Variants in RAB3IP observed in about 807,000 individuals in gnomAD.
The protein encoded by RAB3IP is RAB3A interacting protein.
RAB3IP carries 36 observed loss-of-function variants against 59.1 expected under a neutral mutation model. The observed-to-expected ratio is 0.61, with a 90% CI of 0.47 to 0.80. RAB3IP has a LOEUF of 0.80. RAB3IP is among the 30% of genes least tolerant of loss of function. The pLI is 0.00. For synonymous variants in RAB3IP, 207 were observed against 191.2 expected (o/e 1.08, Z -0.68); for missense variants, 511 against 536.0 (o/e 0.95, Z 0.46).
intron 6 of RAB3IP, 103 bp downstream of exon 6, chr12:69,795,447 A>G: frequency 2.3e-6 from 2 of 866,348 alleles, no homozygotes; most frequent in East Asian, 2.6e-5. Context: ...TTAGTACAAA[A>G]TAATGCAGTA....
At chr12:69,785,530 A>G (rs1339689975) in intron 4 of RAB3IP, among the ~76,000 whole-genome samples, 1 of 152,158 alleles carries the variant, frequency 6.6e-6, no homozygotes, top group Non-Finnish European at 1.5e-5. Flanking sequence ...CTTCCAGTCC[A>G]ACTTTGAAGG....
At chr12:69,785,915 C>G (rs993142537) in intron 4 of RAB3IP, among the ~76,000 whole-genome samples, 57 of 152,130 alleles carry the variant, frequency 3.7e-4, no homozygotes, top group Non-Finnish European at 4.6e-4. Context: ...AGAACTGTTG[C>G]TGTAAAGTGT....
At chr12:69,757,870 C>T (rs1870483205) in intron 3 of RAB3IP, among the ~76,000 whole-genome samples, 2 of 152,146 alleles carry the variant, frequency 1.3e-5, no homozygotes, top group South Asian at 4.1e-4. Context: ...ATGTATCCAT[C>T]TTTGAGAACA....
chr12:69,748,927 GA>G (rs1217221054), intron 1 of RAB3IP, among the ~76,000 whole-genome samples: 1 of 152,100 alleles, frequency 6.6e-6, no homozygotes. Context: ...TTATGTGCTT[GA>G]AAAAGGGATT....
In RAB3IP at chr12:69,816,685, G is replaced by A. The variant is rs1394120664; in HGVS notation, c.*1239G>A. ...TGTGGATGCCTGGAGATAAAATTGT[G>A]TCGAGATATATATGTATTTTTAAAT... On this transcript the variant is annotated 3_prime_UTR_variant, in exon 11 of 11. Coordinates refer to ENST00000247833, the MANE Select transcript of RAB3IP (RefSeq NM_022456.5). 2.0e-5 allele frequency: 3 copies of A among 152,138 alleles called. No homozygotes were observed. Among genetic ancestry groups the A allele is most frequent in the East Asian group, 3.9e-4 (2 of 5,190 alleles). The allele number at this position is 152,138 out of a possible 1,614,324, so 9.4% of individuals were successfully genotyped here.
intron 4 of RAB3IP, among the ~76,000 whole-genome samples, chr12:69,792,566 G>A (rs1876808205): frequency 6.6e-6 from 1 of 152,140 alleles, no homozygotes; most frequent in Non-Finnish European, 1.5e-5. Context: ...GAAGGGCAGT[G>A]TGATGGAAAA....
intron 1 of RAB3IP, among the ~76,000 whole-genome samples, chr12:69,740,131 A>G (rs1232054607): frequency 6.6e-6 from 1 of 152,152 alleles, no homozygotes; most frequent in East Asian, 1.9e-4. Context: ...GTTCTTGTTC[A>G]TTATCCTTTT....
At position 69,815,657 on chromosome 12, in the gene RAB3IP, G is replaced by T; in HGVS notation, c.*211G>T. The T allele has an allele frequency of 9.4e-6, 3 of 320,130 alleles. No homozygotes were observed. The highest frequency in any genetic ancestry group is 5.0e-5 in the East Asian group (1 of 20,198). The allele number at this position is 320,130 out of a possible 1,614,324, so 19.8% of individuals were successfully genotyped here. A position where few individuals can be genotyped will look rare whatever the true frequency, so the allele number is the denominator to read the frequency against. On this transcript the variant is annotated 3_prime_UTR_variant, in exon 11 of 11. Transcript: ENST00000247833. ...GAACACACTATGAAGAATTCCAGGT[G>T]TACTAGTGAATGTAATTTATAGTTG...
rs1333259868 is a variant in RAB3IP, at chr12:69,822,473, C to A, written c.*7027C>A. On this transcript the variant is annotated 3_prime_UTR_variant, in exon 11 of 11. Coordinates refer to ENST00000247833, the MANE Select transcript of RAB3IP (RefSeq NM_022456.5). ...AATATGCATGGAATCAAATTACATT[C>A]AGAATCTACCACTATAGGTAGTGAA... 7.7e-6 allele frequency: 1 copy of A among 129,444 alleles called. No individual in the cohort carries two copies. Among genetic ancestry groups the A allele is most frequent in the Admixed American group, 9.7e-5 (1 of 10,308 alleles). 8.0% of individuals were successfully genotyped at this position (129,444 alleles called of 1,614,324 possible).
intron 3 of RAB3IP, among the ~76,000 whole-genome samples, chr12:69,759,659 A>G (rs1049446825): frequency 1.1e-4 from 4 of 35,184 alleles, no homozygotes. Flanking sequence ...GCGGGGGCTG[A>G]ACCCCCACCT....
intron 1 of RAB3IP, among the ~76,000 whole-genome samples, chr12:69,750,177 A>G (rs1394692606): frequency 6.6e-6 from 1 of 152,160 alleles, no homozygotes; most frequent in African/African-American, 2.4e-5. Flanking sequence ...CGCTATGCTT[A>G]ATATTTAGTA....
At chr12:69,771,431 G>T (rs887170624) in intron 3 of RAB3IP, among the ~76,000 whole-genome samples, 1 of 152,026 alleles carries the variant, frequency 6.6e-6, no homozygotes, top group Non-Finnish European at 1.5e-5. Context: ...GAAAGCTGAG[G>T]TGGGAGGATT....
chr12:69,801,392 G>A (rs934835073), intron 7 of RAB3IP, among the ~76,000 whole-genome samples: 8 of 152,136 alleles, frequency 5.3e-5, no homozygotes, highest in African/African-American at 4.8e-5. Flanking sequence ...AGATAATGAG[G>A]AAAGTTATTT....
chr12:69,758,786 GTTTTAC>G (rs1252993275), intron 3 of RAB3IP, among the ~76,000 whole-genome samples: 1 of 30,140 alleles, frequency 3.3e-5, no homozygotes, highest in East Asian at 1.2e-3. Flanking sequence ...TTTTTTACAA[GTTTTAC>G]TTTTATTTTT....
At chr12:69,801,037 T>A (rs1028042044) in intron 7 of RAB3IP, among the ~76,000 whole-genome samples, 8 of 152,220 alleles carry the variant, frequency 5.3e-5, no homozygotes, top group African/African-American at 1.9e-4. Flanking sequence ...TGGCTCTGTA[T>A]CTGGTTTCAG....
intron 3 of RAB3IP, among the ~76,000 whole-genome samples, chr12:69,769,060 G>A (rs533391755): frequency 4.6e-5 from 7 of 152,140 alleles, no homozygotes; most frequent in South Asian, 2.1e-4. Flanking sequence ...TTTATGGGGG[G>A]TAGTTTCCCT....
intron 1 of RAB3IP, among the ~76,000 whole-genome samples, chr12:69,752,340 T>C (rs10879013): frequency 0.11 from 16,248 of 150,988 alleles, 1,202 homozygotes; most frequent in Middle Eastern, 0.18. Flanking sequence ...TATATTTATT[T>C]ATTTTTATTC....
rs1368291656 is a variant in RAB3IP at position 69,816,107 on chromosome 12, T to G, written c.*661T>G. On this transcript the variant is annotated 3_prime_UTR_variant, in exon 11 of 11. Coordinates refer to ENST00000247833, the MANE Select transcript of RAB3IP (RefSeq NM_022456.5). ...AGTGTCTTGATATAGTGTATTCATG[T>G]TTTATATGTGTTGACCACTATATTG... 1.3e-5 allele frequency: 2 copies of G among 152,344 alleles called. No homozygotes were observed. Among genetic ancestry groups the G allele is most frequent in the East Asian group, 3.9e-4 (2 of 5,184 alleles). 9.4% of individuals were successfully genotyped at this position (152,344 alleles called of 1,614,324 possible).
intron 6 of RAB3IP, chr12:69,795,670 T>A: frequency 2.3e-6 from 1 of 431,912 alleles, no homozygotes; most frequent in East Asian, 3.4e-5. Flanking sequence ...AGAGTGCGCT[T>A]ACAAAGTATG....
Sources: gnomAD v4.1 joint callset for allele counts (sites outside exome capture counted in the v4.1 genomes callset) on GRCh38, gnomAD v4.1.1 for gene constraint, MANE v1.5 for transcripts, NCBI Gene and HGNC (gene_info 2026-07-23, HGNC 2026-07-21) for gene names.